The following PRKAG2 variants were observed in gnomAD, a reference collection of about 807,000 sequenced individuals.
The protein encoded by PRKAG2 is protein kinase AMP-activated non-catalytic subunit gamma 2.
In PRKAG2, 26 loss-of-function variants were observed where a neutral mutation model predicts 69.6. That is an observed-to-expected ratio of 0.37 (90% CI 0.27 to 0.52). The LOEUF (loss-of-function observed/expected upper bound fraction) is 0.52, where lower values mean the gene tolerates loss of function less well. PRKAG2 is among the 20% of genes least tolerant of loss of function. PRKAG2 has a pLI of 0.90. For missense variants in PRKAG2, 557 were observed against 740.0 expected, an observed-to-expected ratio of 0.75 and a Z score of 2.87; for synonymous variants, 293 against 285.0, an observed-to-expected ratio of 1.03 and a Z score of -0.28.
At position 151,876,664 on chromosome 7, in the gene PRKAG2, G is replaced by T; in HGVS notation, c.-44C>A. 3 of 1,571,084 alleles carry T rather than the reference G, an allele frequency of 1.9e-6. No individual in the cohort carries two copies. Among genetic ancestry groups the T allele is most frequent in the African/African-American group, 1.3e-5 (1 of 74,290 alleles). ...ATTCTGCGAAACTCCTCGGGGGTTCGGTCCCCTCCTTCCCTCCCCCGGCCG... is the reference window on the plus strand; with the variant it reads ...ATTCTGCGAAACTCCTCGGGGGTTCTGTCCCCTCCTTCCCTCCCCCGGCCG... On this transcript the variant is annotated 5_prime_UTR_variant, in exon 1 of 16. Coordinates refer to ENST00000287878, the MANE Select transcript of PRKAG2 (RefSeq NM_016203.4).
At chr7:151,831,956 C>T (rs1019623939) in intron 1 of PRKAG2, among the ~76,000 whole-genome samples, 1 of 152,060 alleles carries the variant, frequency 6.6e-6, no homozygotes, top group Non-Finnish European at 1.5e-5. Context: ...GCTGCTGCAT[C>T]CACCAGAACA....
intron 3 of PRKAG2, among the ~76,000 whole-genome samples, chr7:151,743,927 T>C (rs1322200603): frequency 6.6e-6 from 1 of 152,222 alleles, no homozygotes; most frequent in Non-Finnish European, 1.5e-5. Flanking sequence ...ACTTGGATTT[T>C]ACCAGGTGTG....
rs144681248 is a variant in PRKAG2, at chr7:151,598,121, C to T, written c.755-2667G>A. On this transcript the variant is annotated intron_variant, in intron 5 of 15. Coordinates refer to ENST00000287878, the MANE Select transcript of PRKAG2 (RefSeq NM_016203.4). ...TACCTATAAACAATGGAGTACTATTCAACCATAAAAAAGAATGAAATCCTG... is the reference window on the plus strand; with the variant it reads ...TACCTATAAACAATGGAGTACTATTTAACCATAAAAAAGAATGAAATCCTG... Among the ~76,000 whole-genome samples the T allele has an allele frequency of 4.1e-3, 621 of 152,202 alleles. 4 individuals carry two copies. Among genetic ancestry groups the T allele is most frequent in the African/African-American group, 0.014 (572 of 41,520 alleles).
At position 151,632,110 on chromosome 7, in the gene PRKAG2, G is replaced by C; in HGVS notation, c.713C>G (p.Ala238Gly). 1 of 1,414,434 alleles carries C rather than the reference G, an allele frequency of 7.1e-7. No individual in the cohort carries two copies. Among genetic ancestry groups the C allele is most frequent in the South Asian group, 1.4e-5 (1 of 73,290 alleles). The allele number at this position is 1,414,434 out of a possible 1,614,324, so 87.6% of individuals were successfully genotyped here. A position where few individuals can be genotyped will look rare whatever the true frequency, so the allele number is the denominator to read the frequency against. ...CAGCTTCTCCAGCATGCCGGCTTCC[G>C]CGGGTCCCAGGGCCGCCGCCAGCGC... ...AAALAAALGP[A>G]EAGMLEKLEF... Residue 238 changes from alanine to glycine, a missense_variant, in exon 5 of 16, where the codon GCG (alanine) becomes GGG (glycine). Coordinates refer to ENST00000287878, the MANE Select transcript of PRKAG2 (RefSeq NM_016203.4). This position sits in a 1 kb window ranked among gnomAD's most constrained non-coding sequence, Gnocchi z 4.2.
intron 3 of PRKAG2, among the ~76,000 whole-genome samples, chr7:151,708,273 T>C (rs1416904666): frequency 6.6e-6 from 1 of 152,166 alleles, no homozygotes; most frequent in Non-Finnish European, 1.5e-5. Context: ...TTTGGCTTAC[T>C]AGACTCTGAA....
In PRKAG2 at chr7:151,807,322, A is replaced by T. The variant is rs2078163490; in HGVS notation, c.115-20781T>A. The T allele has an allele frequency of 2.3e-6, 1 of 431,412 alleles. No individual in the cohort carries two copies. Among genetic ancestry groups the T allele is most frequent in the South Asian group, 1.6e-5 (1 of 61,180 alleles). The allele number at this position is 431,412 out of a possible 1,614,324, so 26.7% of individuals were successfully genotyped here. Reference sequence around the variant, plus strand: ...AACAAGCAATCTACAGAACGTGGGAAAATGCCTATATTAAGAATCCTGGAA... The same window carrying T: ...AACAAGCAATCTACAGAACGTGGGATAATGCCTATATTAAGAATCCTGGAA... On this transcript the variant is annotated intron_variant, in intron 1 of 15. Transcript: ENST00000287878. The surrounding 1 kb of genome is among the most constrained non-coding windows in gnomAD (Gnocchi z 4.4).
intron 3 of PRKAG2, among the ~76,000 whole-genome samples, chr7:151,759,056 G>A (rs529343652): frequency 6.6e-6 from 1 of 152,122 alleles, no homozygotes; most frequent in African/African-American, 2.4e-5. Context: ...TTTCTGTATC[G>A]CTCAATTAAA....
intron 1 of PRKAG2, among the ~76,000 whole-genome samples, chr7:151,875,570 T>TGTGTGTGTG (rs2080372233): frequency 1.6e-5 from 1 of 63,932 alleles, no homozygotes; most frequent in African/African-American, 5.8e-5. Flanking sequence ...CTGGTGTGTG[T>TGTGTGTGTG]GTGTGTGTGT....
intron 1 of PRKAG2, among the ~76,000 whole-genome samples, chr7:151,864,640 G>A (rs2080017003): frequency 1.3e-5 from 2 of 152,246 alleles, no homozygotes; most frequent in South Asian, 2.1e-4. Context: ...GAGTGGTGAG[G>A]AGACAAGCGA....
rs397517261 is a variant in PRKAG2, at chr7:151,876,507, C to G, written c.114G>C (p.Pro38=). ...QKRRSLRVHI[P]DLSSFAMPLL... ...CAGGGGACCGAGTGCTGGGACTCAC[C>G]GGAATGTGCACGCGCAGCGAACGCC... The change falls in exon 1 of 16, where the codon CCG becomes CCC. Residue 38 remains proline (P), a splice_region_variant and synonymous_variant. Coordinates refer to ENST00000287878, the MANE Select transcript of PRKAG2 (RefSeq NM_016203.4). 6.2e-7 allele frequency: 1 copy of G among 1,605,192 alleles called. No homozygotes were observed.
chr7:151,778,570 T>G (rs1169723402), intron 3 of PRKAG2, among the ~76,000 whole-genome samples: 1 of 152,208 alleles, frequency 6.6e-6, no homozygotes, highest in Non-Finnish European at 1.5e-5. Context: ...CAAGCCCTGC[T>G]ACATCCCAGC....
intron 1 of PRKAG2, among the ~76,000 whole-genome samples, chr7:151,837,970 T>C (rs2079183912): frequency 6.6e-6 from 1 of 151,724 alleles, no homozygotes. Flanking sequence ...GCCTGGGCCT[T>C]GGAGACACGC....
intron 3 of PRKAG2, among the ~76,000 whole-genome samples, chr7:151,720,871 A>G: frequency 3.1e-5 from 2 of 65,230 alleles, no homozygotes; most frequent in Admixed American, 2.2e-4. Context: ...CGGGAGGGAG[A>G]GGGTCAGAGG....
intron 1 of PRKAG2, among the ~76,000 whole-genome samples, chr7:151,868,273 G>A (rs1444267323): frequency 6.6e-6 from 1 of 152,250 alleles, no homozygotes; most frequent in Non-Finnish European, 1.5e-5. Context: ...TTCCAAGGCA[G>A]GGCTAAAATA....
rs1811033356 is a variant in PRKAG2, at chr7:151,583,847, T to C, written c.865-7395A>G. Among the ~76,000 whole-genome samples the C allele has an allele frequency of 6.6e-6, 1 of 152,158 alleles. No individual in the cohort carries two copies. The highest frequency in any genetic ancestry group is 2.4e-5 in the African/African-American group (1 of 41,448). On this transcript the variant is annotated intron_variant, in intron 6 of 15. Coordinates refer to ENST00000287878, the MANE Select transcript of PRKAG2 (RefSeq NM_016203.4). This position sits in a 1 kb window ranked among gnomAD's most constrained non-coding sequence, Gnocchi z 4.1. ...AGATGGGAAATAAAATGTTCATAGG[T>C]AAGTTTTTAGAATAGTGAGCAGGCC...
rs1467465213 is a variant in PRKAG2 at position 151,756,946 on chromosome 7, C to A, written c.466+24206G>T. The stretch of plus-strand genomic sequence containing the variant: ...CAGGAGACGATTCAGACGGGGTCAG[C>A]GCTGCGATTCGGGGGAGTAACCAGC... On this transcript the variant is annotated intron_variant, in intron 3 of 15. Coordinates refer to ENST00000287878, the MANE Select transcript of PRKAG2 (RefSeq NM_016203.4). The surrounding 1 kb of genome is among the most constrained non-coding windows in gnomAD (Gnocchi z 4.9). Among the ~76,000 whole-genome samples, 1 of 152,158 alleles carries A rather than the reference C, an allele frequency of 6.6e-6. No individual in the cohort carries two copies. The highest frequency in any genetic ancestry group is 2.4e-5 in the African/African-American group (1 of 41,434).
At chr7:151,812,229 T>TA (rs1243719561) in intron 1 of PRKAG2, among the ~76,000 whole-genome samples, 2 of 152,094 alleles carry the variant, frequency 1.3e-5, no homozygotes, top group Non-Finnish European at 2.9e-5. Flanking sequence ...TAATACAAAG[T>TA]AATGCATAAA....
intron 5 of PRKAG2, among the ~76,000 whole-genome samples, chr7:151,629,537 G>T (rs1396944270): frequency 1.3e-5 from 2 of 152,174 alleles, no homozygotes; most frequent in Non-Finnish European, 2.9e-5. Flanking sequence ...AGGGTTGACA[G>T]CAGAAAAGGG....
chr7:151,854,983 G>C (rs113603175), intron 1 of PRKAG2, among the ~76,000 whole-genome samples: 125 of 11,448 alleles, frequency 0.011, 4 homozygotes, highest in African/African-American at 6.8e-3. Context: ...CACACACCAT[G>C]CTCCACACAC....
Sources: allele counts gnomAD v4.1 joint callset (sites outside exome capture counted in the v4.1 genomes callset), GRCh38; gene constraint gnomAD v4.1.1; non-coding constraint Gnocchi (gnomAD v3.1); transcripts MANE v1.5; gene names NCBI Gene and HGNC (gene_info 2026-07-23, HGNC 2026-07-21).